Variants in CNTNAP2 observed in about 807,000 individuals in gnomAD.
The protein encoded by CNTNAP2 is contactin-associated protein-like 2.
CNTNAP2 carries 98 observed loss-of-function variants against 155.2 expected under a neutral mutation model. The observed-to-expected ratio is 0.63, with a 90% CI of 0.54 to 0.75. The LOEUF (loss-of-function observed/expected upper bound fraction) is 0.75. CNTNAP2 is among the 30% of genes least tolerant of loss of function. The pLI, the probability that CNTNAP2 is intolerant of heterozygous loss-of-function variation, is 0.00. For synonymous variants in CNTNAP2, 651 were observed against 631.2 expected, an observed-to-expected ratio of 1.03 and a Z score of -0.47; for missense variants, 1,727 against 1,688.1, an observed-to-expected ratio of 1.02 and a Z score of -0.40.
At chr7:147,832,553 T>C (rs1798567899) in intron 13 of CNTNAP2, among the ~76,000 whole-genome samples, 1 of 144,630 alleles carries the variant, frequency 6.9e-6, no homozygotes, top group South Asian at 2.1e-4. Flanking sequence ...CAATATATTA[T>C]ATTGAAATAT....
intron 1 of CNTNAP2, among the ~76,000 whole-genome samples, chr7:146,334,803 T>C (rs778828864): frequency 3.9e-5 from 6 of 151,936 alleles, no homozygotes; most frequent in Non-Finnish European, 8.8e-5. Context: ...ATTCACACAT[T>C]TGTGAACCTG....
chr7:147,019,406 C>A (rs1187826175), intron 3 of CNTNAP2, among the ~76,000 whole-genome samples: 1 of 151,816 alleles, frequency 6.6e-6, no homozygotes, highest in Non-Finnish European at 1.5e-5. Flanking sequence ...GGGAGTACTA[C>A]CAAAATAATT....
chr7:147,965,946 T>G (rs971764772), intron 14 of CNTNAP2, among the ~76,000 whole-genome samples: 15 of 152,162 alleles, frequency 9.9e-5, no homozygotes, highest in Non-Finnish European at 1.3e-4. Context: ...AAAACAAATA[T>G]CGATCATCCT....
intron 13 of CNTNAP2, among the ~76,000 whole-genome samples, chr7:147,878,443 CT>C (rs5888292): frequency 1.3e-5 from 2 of 150,956 alleles, no homozygotes; most frequent in East Asian, 1.9e-4. Flanking sequence ...TTGAATTATT[CT>C]TTTTTTTTGA....
At chr7:148,264,014 C>T (rs1269756334) in intron 20 of CNTNAP2, among the ~76,000 whole-genome samples, 1 of 152,112 alleles carries the variant, frequency 6.6e-6, no homozygotes, top group Non-Finnish European at 1.5e-5. Flanking sequence ...CTTCGGTGCT[C>T]GCGACTTTAA....
chr7:146,497,314 T>A (rs577605674), intron 1 of CNTNAP2, among the ~76,000 whole-genome samples: 3 of 152,166 alleles, frequency 2.0e-5, no homozygotes, highest in Admixed American at 2.0e-4. Context: ...ATTAAAACAT[T>A]GTTTATCTAT....
intron 14 of CNTNAP2, among the ~76,000 whole-genome samples, chr7:147,938,890 A>G (rs1271332579): frequency 6.6e-6 from 1 of 152,204 alleles, no homozygotes; most frequent in East Asian, 1.9e-4. Flanking sequence ...GCCCAACTGG[A>G]GGCTTAAGGC....
At chr7:147,242,161 TC>T (rs1369487272) in intron 8 of CNTNAP2, among the ~76,000 whole-genome samples, 2 of 152,228 alleles carry the variant, frequency 1.3e-5, no homozygotes, top group Non-Finnish European at 2.9e-5. Flanking sequence ...GTGTCCTGAT[TC>T]TTTTATTCTA....
chr7:147,208,280 C>T (rs1313845678), intron 8 of CNTNAP2, among the ~76,000 whole-genome samples: 1 of 151,928 alleles, frequency 6.6e-6, no homozygotes, highest in Non-Finnish European at 1.5e-5. Context: ...TCTGTTTTGC[C>T]TCAGGTTTCC....
chr7:146,518,004 T>A (rs1797565730), intron 1 of CNTNAP2, among the ~76,000 whole-genome samples: 1 of 151,960 alleles, frequency 6.6e-6, no homozygotes, highest in Non-Finnish European at 1.5e-5. Context: ...CATTTACATT[T>A]ACCCAGTAAC....
At chr7:147,219,290 G>A (rs1227506543) in intron 8 of CNTNAP2, among the ~76,000 whole-genome samples, 1 of 152,106 alleles carries the variant, frequency 6.6e-6, no homozygotes, top group Admixed American at 6.5e-5. Context: ...CCCACAATAG[G>A]CCATCTGCAA....
intron 1 of CNTNAP2, among the ~76,000 whole-genome samples, chr7:146,458,000 G>T (rs1329307419): frequency 1.3e-5 from 2 of 152,042 alleles, no homozygotes; most frequent in Admixed American, 1.3e-4. Context: ...CATATCCTTT[G>T]CAGGGACGTG....
intron 1 of CNTNAP2, among the ~76,000 whole-genome samples, chr7:146,501,681 C>G (rs980158492): frequency 6.6e-6 from 1 of 151,890 alleles, no homozygotes; most frequent in Non-Finnish European, 1.5e-5. Flanking sequence ...TATGCCCACC[C>G]AGAACCTGTG....
chr7:146,542,389 C>T (rs182003697), intron 1 of CNTNAP2, among the ~76,000 whole-genome samples: 1 of 152,046 alleles, frequency 6.6e-6, no homozygotes, highest in East Asian at 1.9e-4. Context: ...CTCTTTAACA[C>T]CAGCTCATTT....
At chr7:146,884,253 T>C (rs1795611518) in intron 3 of CNTNAP2, among the ~76,000 whole-genome samples, 2 of 152,114 alleles carry the variant, frequency 1.3e-5, no homozygotes, top group Non-Finnish European at 1.5e-5. Flanking sequence ...CCACGTTTGG[T>C]TGAAAAAAAT....
At chr7:146,715,421 A>C (rs1160810955) in intron 1 of CNTNAP2, among the ~76,000 whole-genome samples, 1 of 152,228 alleles carries the variant, frequency 6.6e-6, no homozygotes, top group Non-Finnish European at 1.5e-5. Context: ...GTATATTAAC[A>C]GAGGGCTCTC....
chr7:146,951,454 C>T (rs1250478881), intron 3 of CNTNAP2, among the ~76,000 whole-genome samples: 2 of 152,080 alleles, frequency 1.3e-5, no homozygotes, highest in East Asian at 3.9e-4. Context: ...CTTAATCCAT[C>T]TTGAGTTAAT....
At chr7:147,186,418 C>T (rs1802568432) in intron 8 of CNTNAP2, among the ~76,000 whole-genome samples, 1 of 152,088 alleles carries the variant, frequency 6.6e-6, no homozygotes, top group Non-Finnish European at 1.5e-5. Flanking sequence ...TTTATTATTG[C>T]CCTCATTTTA....
intron 21 of CNTNAP2, among the ~76,000 whole-genome samples, chr7:148,311,720 G>A (rs1797598758): frequency 6.6e-6 from 1 of 152,212 alleles, no homozygotes; most frequent in Non-Finnish European, 1.5e-5. Flanking sequence ...GGTTCTAAGA[G>A]GCAGGCTAGT....
Sources: gnomAD v4.1 joint callset for allele counts (sites outside exome capture counted in the v4.1 genomes callset) on GRCh38, gnomAD v4.1.1 for gene constraint, MANE v1.5 for transcripts, NCBI Gene and HGNC (gene_info 2026-07-23, HGNC 2026-07-21) for gene names.